The following MBOAT2 variants were observed in gnomAD, a reference collection of about 807,000 sequenced individuals.
MBOAT2 encodes membrane-bound glycerophospholipid O-acyltransferase 2.
MBOAT2 carries 28 observed loss-of-function variants against 63.4 expected under a neutral mutation model. That is an observed-to-expected ratio of 0.44 (90% CI 0.33 to 0.61). The LOEUF (loss-of-function observed/expected upper bound fraction) is 0.61. Among genes scored for constraint, MBOAT2 ranks in the 20% least tolerant of loss-of-function variants. The pLI is 0.03. For missense variants in MBOAT2, 470 were observed against 605.8 expected, an observed-to-expected ratio of 0.78 and a Z score of 2.35; for synonymous variants, 211 against 215.6, an observed-to-expected ratio of 0.98 and a Z score of 0.19.
At position 8,975,797 on chromosome 2, in the gene MBOAT2, CAAAAAAAA is replaced by C. The variant is rs75305828; in HGVS notation, c.76-17163_76-17156del. ...AAAGAGGACAATTAAATGAACAATA[CAAAAAAAA>C]AAAAAAAAACGATGGCCACTAAGTC... On this transcript the variant is annotated intron_variant, in intron 1 of 12. Transcript: ENST00000305997. Among the ~76,000 whole-genome samples the C allele has an allele frequency of 4.9e-5, 3 of 60,704 alleles. No homozygotes were observed. In the Admixed American group the frequency reaches 6.0e-4, roughly 12 times the overall value. 39.8% of individuals were successfully genotyped at this position (60,704 alleles called of 152,430 possible). A position where few individuals can be genotyped will look rare whatever the true frequency, so the allele number is the denominator to read the frequency against.
At chr2:8,973,646 A>G (rs972085011) in intron 1 of MBOAT2, among the ~76,000 whole-genome samples, 1 of 152,058 alleles carries the variant, frequency 6.6e-6, no homozygotes, top group African/African-American at 2.4e-5. Context: ...TAAAAACAGT[A>G]TAATAGAAAA....
intron 1 of MBOAT2, among the ~76,000 whole-genome samples, chr2:8,988,325 C>T (rs954245074): frequency 1.3e-5 from 2 of 152,168 alleles, no homozygotes; most frequent in African/African-American, 4.8e-5. Context: ...ACAAACAATG[C>T]ATGTCATTCA....
At chr2:8,982,629 A>G (rs1252835258) in intron 1 of MBOAT2, among the ~76,000 whole-genome samples, 1 of 152,152 alleles carries the variant, frequency 6.6e-6, no homozygotes, top group East Asian at 1.9e-4. Flanking sequence ...ATCTACTTCC[A>G]GTGGATATCA....
intron 10 of MBOAT2, among the ~76,000 whole-genome samples, chr2:8,863,278 A>G (rs943104312): frequency 6.6e-6 from 1 of 152,208 alleles, no homozygotes; most frequent in Admixed American, 6.5e-5. Context: ...CTGTGAAGAG[A>G]TGACAGCGTA....
intron 1 of MBOAT2, among the ~76,000 whole-genome samples, chr2:8,990,064 G>A (rs1671820569): frequency 6.6e-6 from 1 of 152,126 alleles, no homozygotes; most frequent in Non-Finnish European, 1.5e-5. Flanking sequence ...TATGAAACAC[G>A]TTTGTTTTTT....
chr2:8,909,654 A>C (rs1056213981), intron 3 of MBOAT2, among the ~76,000 whole-genome samples: 2 of 152,202 alleles, frequency 1.3e-5, no homozygotes, highest in Admixed American at 6.5e-5. Flanking sequence ...AGTTCTTTCA[A>C]ACTTTTGACA....
intron 3 of MBOAT2, among the ~76,000 whole-genome samples, chr2:8,909,007 A>G (rs1322874987): frequency 1.3e-5 from 2 of 152,228 alleles, no homozygotes; most frequent in African/African-American, 2.4e-5. Context: ...ACCTGTGGTT[A>G]GTATGTGTTC....
rs191812001 is a variant in MBOAT2 at position 8,896,018 on chromosome 2, A to T, written c.396-7945T>A. On this transcript the variant is annotated intron_variant, in intron 4 of 12. Coordinates refer to ENST00000305997, the MANE Select transcript of MBOAT2 (RefSeq NM_138799.4). ...TTTGGGAGGCCGAGGCGGGCGGATC[A>T]CGAGGTCAGAAGATCGAGACCATCC... is the stretch of plus-strand genomic sequence containing the variant. Among the ~76,000 whole-genome samples the T allele has an allele frequency of 7.0e-4, 107 of 152,172 alleles. 2 individuals are homozygous for T. The highest frequency in any genetic ancestry group is 2.3e-3 in the Admixed American group (35 of 15,292).
intron 7 of MBOAT2, among the ~76,000 whole-genome samples, chr2:8,876,373 T>C (rs1440637121): frequency 6.6e-6 from 1 of 152,234 alleles, no homozygotes; most frequent in Non-Finnish European, 1.5e-5. Context: ...AAAAACAGTG[T>C]CTACCTTGTA....
intron 6 of MBOAT2, among the ~76,000 whole-genome samples, chr2:8,878,817 C>T (rs1350463181): frequency 1.3e-5 from 2 of 152,166 alleles, no homozygotes; most frequent in Non-Finnish European, 2.9e-5. Context: ...TGGCTCACGC[C>T]TGTAATCCCA....
At chr2:8,976,911 G>A (rs530742707) in intron 1 of MBOAT2, among the ~76,000 whole-genome samples, 1 of 152,282 alleles carries the variant, frequency 6.6e-6, no homozygotes, top group African/African-American at 2.4e-5. Flanking sequence ...AAATAATTAT[G>A]TGGAGTCCAA....
intron 3 of MBOAT2, among the ~76,000 whole-genome samples, chr2:8,926,908 C>T (rs1053539646): frequency 2.6e-5 from 4 of 152,182 alleles, no homozygotes; most frequent in Non-Finnish European, 4.4e-5. Flanking sequence ...CCACTTAGTG[C>T]TTACTACATG....
intron 4 of MBOAT2, among the ~76,000 whole-genome samples, chr2:8,904,339 T>A (rs1189776328): frequency 6.6e-6 from 1 of 150,602 alleles, no homozygotes; most frequent in Non-Finnish European, 1.5e-5. Context: ...TGAGATAGGA[T>A]CTTGCTGTGT....
intron 3 of MBOAT2, among the ~76,000 whole-genome samples, chr2:8,924,392 CAAT>C (rs1288568469): frequency 3.9e-5 from 6 of 152,182 alleles, no homozygotes; most frequent in Non-Finnish European, 7.3e-5. Flanking sequence ...TTATGATCCT[CAAT>C]AAAAACTCTG....
rs1337565835 is a variant in MBOAT2, at chr2:8,858,805, C to A, written c.1437G>T (p.Gln479His). Reference protein sequence around the residue: ...QRRKNTHENIQLSQSKKFDEG... With the variant: ...QRRKNTHENIHLSQSKKFDEG... ...CATCAAACTTTTTGGATTGTGAGAG[C>A]TGAATGTTTTCATGTGTATTCTTTC... Residue 479 changes from glutamine to histidine, a missense_variant, in exon 13 of 13, where the codon CAG becomes CAT. This residue lies in a region of MBOAT2 where 90 missense variants were observed against 84.9 expected (regional missense o/e 1.06). Coordinates refer to ENST00000305997, the MANE Select transcript of MBOAT2 (RefSeq NM_138799.4). 1 of 1,613,896 alleles carries A rather than the reference C, an allele frequency of 6.2e-7. No individual in the cohort carries two copies. Among genetic ancestry groups the A allele is most frequent in the South Asian group, 1.1e-5 (1 of 91,088 alleles).
rs567886339 is a variant in MBOAT2 at position 8,996,984 on chromosome 2, G to A, written c.75+6556C>T. Among the ~76,000 whole-genome samples, 38 of 152,256 alleles carry A rather than the reference G, an allele frequency of 2.5e-4. 1 individual carries two copies. The East Asian group carries it at 3.3e-3, about 13-fold the overall frequency. ...AAGGTGCAGTGGATACAGGAAGGAC[G>A]GTTAGGATTGGGAAGCCATGGTAGA... On this transcript the variant is annotated intron_variant, in intron 1 of 12. Coordinates refer to ENST00000305997, the MANE Select transcript of MBOAT2 (RefSeq NM_138799.4).
chr2:8,862,191 G>T lies in MBOAT2; in HGVS notation c.1185+399C>A. 2.6e-6 allele frequency: 2 copies of T among 773,130 alleles called. No homozygotes were observed. The highest frequency in any genetic ancestry group is 3.6e-6 in the Non-Finnish European group (2 of 558,346). The allele number at this position is 773,130 out of a possible 1,614,324, so 47.9% of individuals were successfully genotyped here. Reference sequence around the variant, plus strand: ...TCCAGTGTGGCTCATCCACTGTCTTGGCCTCGCACAGCCTAGTCTTCATCT... The same window carrying T: ...TCCAGTGTGGCTCATCCACTGTCTTTGCCTCGCACAGCCTAGTCTTCATCT... On this transcript the variant is annotated intron_variant, in intron 11 of 12. Transcript: ENST00000305997. The surrounding 1 kb of genome is among the most constrained non-coding windows in gnomAD (Gnocchi z 4.3).
At chr2:8,991,013 C>G (rs1671887828) in intron 1 of MBOAT2, among the ~76,000 whole-genome samples, 1 of 152,092 alleles carries the variant, frequency 6.6e-6, no homozygotes, top group Non-Finnish European at 1.5e-5. Context: ...TACTTGCAAA[C>G]CAAAAATCTC....
intron 6 of MBOAT2, among the ~76,000 whole-genome samples, chr2:8,879,447 T>C (rs898055786): frequency 3.9e-5 from 6 of 152,240 alleles, no homozygotes; most frequent in African/African-American, 1.4e-4. Flanking sequence ...TAAGTAACTG[T>C]ATTTATTTAT....
Sources: allele counts gnomAD v4.1 joint callset (sites outside exome capture counted in the v4.1 genomes callset), GRCh38; gene constraint gnomAD v4.1.1; regional missense constraint gnomAD v4.1.1; non-coding constraint Gnocchi (gnomAD v3.1); transcripts MANE v1.5; gene names NCBI Gene and HGNC (gene_info 2026-07-23, HGNC 2026-07-21).